The following ULK4 variants were observed in gnomAD, a reference collection of about 807,000 sequenced individuals.
ULK4 encodes the protein unc-51 like kinase 4, also known as inactive serine/threonine-protein kinase ULK4.
A neutral mutation model predicts 160.6 loss-of-function variants in ULK4; 133 were observed. That is an observed-to-expected ratio of 0.83 (90% CI 0.72 to 0.96). ULK4 has a LOEUF of 0.96. Ranked by LOEUF, ULK4 falls within the 40% of genes least tolerant of loss-of-function variation. The pLI is 0.00. For missense variants in ULK4, 1,580 were observed against 1,499.5 expected, an observed-to-expected ratio of 1.05 and a Z score of -0.89; for synonymous variants, 534 against 539.8, an observed-to-expected ratio of 0.99 and a Z score of 0.15.
At chr3:41,751,588 C>T (rs972623997) in intron 22 of ULK4, among the ~76,000 whole-genome samples, 1 of 152,200 alleles carries the variant, frequency 6.6e-6, no homozygotes, top group African/African-American at 2.4e-5. Flanking sequence ...CCCACCACTG[C>T]TTCAGCTTCT....
At chr3:41,844,732 A>G (rs569651816) in intron 17 of ULK4, among the ~76,000 whole-genome samples, 1 of 150,744 alleles carries the variant, frequency 6.6e-6, no homozygotes, top group Non-Finnish European at 1.5e-5. Flanking sequence ...ACCTCTCAAT[A>G]CGTTGCTGGT....
chr3:41,323,897 G>A (rs187234731), intron 35 of ULK4, among the ~76,000 whole-genome samples: 1 of 152,206 alleles, frequency 6.6e-6, no homozygotes, highest in Admixed American at 6.5e-5. Context: ...TTTGTGAATG[G>A]CATAGGTCAG....
chr3:41,883,587 A>AG (rs1411706708), intron 17 of ULK4, among the ~76,000 whole-genome samples: 3 of 152,264 alleles, frequency 2.0e-5, no homozygotes, highest in African/African-American at 7.2e-5. Flanking sequence ...ACAGACTATA[A>AG]GAAAACTAGA....
At chr3:41,324,692 A>G (rs1047841231) in intron 35 of ULK4, among the ~76,000 whole-genome samples, 1 of 152,142 alleles carries the variant, frequency 6.6e-6, no homozygotes, top group Non-Finnish European at 1.5e-5. Flanking sequence ...TGATGGGGGA[A>G]CAACATAAAC....
intron 20 of ULK4, among the ~76,000 whole-genome samples, chr3:41,799,538 T>C (rs577397987): frequency 2.0e-5 from 3 of 152,310 alleles, no homozygotes; most frequent in Admixed American, 2.0e-4. Context: ...GTACCCTATA[T>C]ACTGCCACAG....
At chr3:41,912,488 T>C (rs191377905) in intron 9 of ULK4, among the ~76,000 whole-genome samples, 92 of 152,302 alleles carry the variant, frequency 6.0e-4, no homozygotes, top group African/African-American at 2.2e-3. Context: ...ACAAGTCACA[T>C]GACCACACCT....
intron 34 of ULK4, among the ~76,000 whole-genome samples, chr3:41,398,968 A>G (rs544415666): frequency 1.3e-5 from 2 of 152,112 alleles, no homozygotes; most frequent in South Asian, 4.2e-4. Context: ...TCTTCTAGCT[A>G]TTTTGAAATA....
intron 25 of ULK4, among the ~76,000 whole-genome samples, chr3:41,712,693 C>G (rs2037140133): frequency 6.6e-6 from 1 of 152,030 alleles, no homozygotes; most frequent in South Asian, 2.1e-4. Context: ...AGTTCAAGAC[C>G]AGCTCAGGAA....
chr3:41,649,537 C>T (rs1014080686), intron 30 of ULK4, among the ~76,000 whole-genome samples: 2 of 152,206 alleles, frequency 1.3e-5, no homozygotes, highest in African/African-American at 2.4e-5. Context: ...GCACCTCCTC[C>T]GGTTGTGGCC....
rs538582355 is a variant in ULK4 at position 41,489,512 on chromosome 3, ACAGTGCAATG to A, written c.3227-26269_3227-26260del. Reference sequence around the variant, plus strand: ...CATGTAAGGAAGCCAAATCCTACTAACAGTGCAATGAACCAAGGTGCAACACCATCCCCCT... The same window carrying A: ...CATGTAAGGAAGCCAAATCCTACTAAAACCAAGGTGCAACACCATCCCCCT... On this transcript the variant is annotated intron_variant, in intron 32 of 36. Transcript: ENST00000301831. Among the ~76,000 whole-genome samples the A allele has an allele frequency of 7.9e-5, 12 of 152,218 alleles. No individual in the cohort carries two copies. In the East Asian group the frequency reaches 2.3e-3, roughly 29 times the overall value.
At chr3:41,252,877 G>A (rs750709202) in intron 35 of ULK4, among the ~76,000 whole-genome samples, 12 of 151,882 alleles carry the variant, frequency 7.9e-5, no homozygotes, top group South Asian at 2.1e-4. Context: ...ACTTGCTGAA[G>A]ACAAAGGATG....
intron 35 of ULK4, among the ~76,000 whole-genome samples, chr3:41,258,751 G>A (rs539974175): frequency 4.6e-5 from 7 of 152,200 alleles, no homozygotes; most frequent in African/African-American, 1.7e-4. Flanking sequence ...ATCTCATGCT[G>A]CTAAGACATC....
At chr3:41,722,628 T>A (rs577308020) in intron 22 of ULK4, among the ~76,000 whole-genome samples, 2 of 151,862 alleles carry the variant, frequency 1.3e-5, no homozygotes, top group Non-Finnish European at 2.9e-5. Context: ...TGAAACTCCA[T>A]CTCAAAAAAT....
At chr3:41,531,169 G>A (rs1198575617) in intron 32 of ULK4, among the ~76,000 whole-genome samples, 9 of 150,206 alleles carry the variant, frequency 6.0e-5, no homozygotes, top group African/African-American at 2.0e-4. Flanking sequence ...TGGGCCGGGC[G>A]CGGTGGCTCA....
intron 35 of ULK4, among the ~76,000 whole-genome samples, chr3:41,369,380 G>A (rs2081316782): frequency 6.6e-6 from 1 of 152,092 alleles, no homozygotes; most frequent in Non-Finnish European, 1.5e-5. Flanking sequence ...TGTGGTACCA[G>A]CTACTCAGGA....
rs1165381982 is a variant in ULK4, at chr3:41,420,475, C to CTTTTTTTTTTTTTTTTTTTTTTT, written c.3493-22234_3493-22212dup. Among the ~76,000 whole-genome samples, 120 of 41,182 alleles carry CTTTTTTTTTTTTTTTTTTTTTTT rather than the reference C, an allele frequency of 2.9e-3. 15 individuals are homozygous for CTTTTTTTTTTTTTTTTTTTTTTT. Among genetic ancestry groups the CTTTTTTTTTTTTTTTTTTTTTTT allele is most frequent in the African/African-American group, 3.4e-3 (34 of 10,046 alleles). 27.0% of individuals were successfully genotyped at this position (41,182 alleles called of 152,430 possible). A position where few individuals can be genotyped will look rare whatever the true frequency, so the allele number is the denominator to read the frequency against. On this transcript the variant is annotated intron_variant, in intron 34 of 36. Transcript: ENST00000301831. ...GGATTTTTCAGTTTTCCAGTTCTTT[C>CTTTTTTTTTTTTTTTTTTTTTTT]TTTTTTTTTTTTTTTTTTTTTTTTT... is the stretch of plus-strand genomic sequence containing the variant.
chr3:41,802,904 C>T (rs1193240962), intron 19 of ULK4, among the ~76,000 whole-genome samples: 2 of 152,130 alleles, frequency 1.3e-5, no homozygotes, highest in South Asian at 2.1e-4. Flanking sequence ...CAGTGGCTCA[C>T]GCCTGTAATC....
chr3:41,773,759 G>A (rs1467430190), intron 21 of ULK4, among the ~76,000 whole-genome samples: 12 of 152,120 alleles, frequency 7.9e-5, no homozygotes, highest in Non-Finnish European at 1.5e-4. Flanking sequence ...AGCCGGCATT[G>A]CCAAGTCAAT....
At chr3:41,370,640 T>C (rs1000591005) in intron 35 of ULK4, among the ~76,000 whole-genome samples, 6 of 152,202 alleles carry the variant, frequency 3.9e-5, no homozygotes, top group Non-Finnish European at 7.3e-5. Flanking sequence ...GATACTATGC[T>C]TTCCCCATGG....
Sources: allele counts gnomAD v4.1 joint callset (sites outside exome capture counted in the v4.1 genomes callset), GRCh38; gene constraint gnomAD v4.1.1; transcripts MANE v1.5; gene names NCBI Gene and HGNC (gene_info 2026-07-23, HGNC 2026-07-21).